The following PTPRN2 variants were observed in gnomAD, a reference collection of about 807,000 sequenced individuals.
PTPRN2 encodes the protein receptor-type tyrosine-protein phosphatase N2.
In PTPRN2, 74 loss-of-function variants were observed where a neutral mutation model predicts 118.8. That is an observed-to-expected ratio of 0.62 (90% CI 0.52 to 0.76). The LOEUF (loss-of-function observed/expected upper bound fraction) is 0.76. Ranked by LOEUF, PTPRN2 falls within the 30% of genes least tolerant of loss-of-function variation. The pLI, the probability that PTPRN2 is intolerant of heterozygous loss-of-function variation, is 0.00. For synonymous variants in PTPRN2, 641 were observed against 608.0 expected, an observed-to-expected ratio of 1.05 and a Z score of -0.80; for missense variants, 1,481 against 1,394.4, an observed-to-expected ratio of 1.06 and a Z score of -0.99.
In PTPRN2 at chr7:158,555,473, G is replaced by A. The variant is rs1401781980; in HGVS notation, c.112+32085C>T. Among the ~76,000 whole-genome samples the A allele has an allele frequency of 6.6e-6, 1 of 152,194 alleles. No individual in the cohort carries two copies. The highest frequency in any genetic ancestry group is 1.5e-5 in the Non-Finnish European group (1 of 68,036). ...CACTGACGTCACCGGGGTGGGGCAG[G>A]AGCAGGAAGAGGCCCATGCTGCCAT... On this transcript the variant is annotated intron_variant, in intron 1 of 22. Coordinates refer to ENST00000389418, the MANE Select transcript of PTPRN2 (RefSeq NM_002847.5). The surrounding 1 kb of genome is among the most constrained non-coding windows in gnomAD (Gnocchi z 4.7).
At chr7:158,094,514 G>A (rs1049261133) in intron 10 of PTPRN2, among the ~76,000 whole-genome samples, 4 of 151,900 alleles carry the variant, frequency 2.6e-5, no homozygotes, top group South Asian at 2.1e-4. Context: ...TCACTATGTT[G>A]GCCAGGCTGG....
In PTPRN2 at chr7:157,574,213, G is replaced by A. The variant is rs1799900230; in HGVS notation, c.2783+2400C>T. On this transcript the variant is annotated intron_variant, in intron 19 of 22. Transcript: ENST00000389418. ...AATTCACTGAGAAAGAACGATTAGTGATACAAACCAACCCAGGGGTCACCG... is the reference window on the plus strand; with the variant it reads ...AATTCACTGAGAAAGAACGATTAGTAATACAAACCAACCCAGGGGTCACCG... 1.3e-5 allele frequency: 4 copies of A among 308,476 alleles called. 1 individual carries two copies. The highest frequency in any genetic ancestry group is 2.9e-5 in the Non-Finnish European group (4 of 138,754). 19.1% of individuals were successfully genotyped at this position (308,476 alleles called of 1,614,324 possible).
At chr7:158,454,840 A>G (rs986897114) in intron 2 of PTPRN2, among the ~76,000 whole-genome samples, 2 of 152,222 alleles carry the variant, frequency 1.3e-5, no homozygotes, top group African/African-American at 4.8e-5. Context: ...CATCCCCCCA[A>G]GCAGACTACA....
At chr7:158,538,138 C>G (rs186400396) in intron 1 of PTPRN2, among the ~76,000 whole-genome samples, 296 of 152,354 alleles carry the variant, frequency 1.9e-3, no homozygotes, top group African/African-American at 6.7e-3. Flanking sequence ...CGGAAAAGAG[C>G]ACAGCTCGTG....
At chr7:158,379,707 G>T (rs1171217524) in intron 2 of PTPRN2, among the ~76,000 whole-genome samples, 1 of 152,198 alleles carries the variant, frequency 6.6e-6, no homozygotes, top group Non-Finnish European at 1.5e-5. Context: ...GAAGGCCAAA[G>T]TCAGTAGACC....
At chr7:157,806,837 G>A (rs577749121) in intron 12 of PTPRN2, among the ~76,000 whole-genome samples, 1 of 152,328 alleles carries the variant, frequency 6.6e-6, no homozygotes, top group South Asian at 2.1e-4. Context: ...TGAGTACTTG[G>A]AGGGCCACTG....
intron 12 of PTPRN2, among the ~76,000 whole-genome samples, chr7:157,841,825 CAGG>C (rs780992278): frequency 6.6e-6 from 1 of 152,154 alleles, no homozygotes; most frequent in African/African-American, 2.4e-5. Context: ...CTCTGGTTAT[CAGG>C]AGAACACCCT....
intron 3 of PTPRN2, among the ~76,000 whole-genome samples, chr7:158,291,869 GGAGA>G (rs1800144106): frequency 6.6e-6 from 1 of 152,178 alleles, no homozygotes; most frequent in African/African-American, 2.4e-5. Context: ...GATGAAAGAG[GGAGA>G]GAAAGAAGAG....
chr7:157,570,094 A>G (rs546653086), intron 20 of PTPRN2, among the ~76,000 whole-genome samples: 35 of 152,372 alleles, frequency 2.3e-4, no homozygotes, highest in African/African-American at 8.2e-4. Context: ...TAAATGTTTA[A>G]AAAACGGCAC....
At chr7:158,510,959 C>T (rs1431671707) in intron 1 of PTPRN2, among the ~76,000 whole-genome samples, 1 of 152,238 alleles carries the variant, frequency 6.6e-6, no homozygotes, top group East Asian at 1.9e-4. Context: ...ACAGGGGATT[C>T]CTGCCACCCA....
At chr7:158,125,214 T>A (rs1585518849) in intron 9 of PTPRN2, among the ~76,000 whole-genome samples, 1 of 137,494 alleles carries the variant, frequency 7.3e-6, no homozygotes, top group East Asian at 2.3e-4. Flanking sequence ...CTGCCTGAAG[T>A]CCCTCCCAGG....
Position 158,167,152 on chromosome 7 carries a change from C to T in PTPRN2, c.689G>A (p.Ser230Asn), listed in dbSNP as rs371800996. ...GTCCACACCACTGTCCACCTTAGGG[C>T]TGAGCTCATCTGGCTGGAGCTGGCC... ...TLGQLQPDELSPKVDSGVDRH... is the reference protein window; with the variant it reads ...TLGQLQPDELNPKVDSGVDRH... Residue 230 changes from serine (S) to asparagine (N), a missense_variant, in exon 6 of 23, where the codon AGC becomes AAC. By Grantham distance (46) the Ser-to-Asn change is conservative (BLOSUM62 1). Around this residue, in one of 3 missense-constraint regions of PTPRN2, gnomAD observed 1,115 missense variants for 994.2 expected, o/e 1.12. Coordinates refer to ENST00000389418, the MANE Select transcript of PTPRN2 (RefSeq NM_002847.5). The T allele has an allele frequency of 3.3e-5, 54 of 1,613,888 alleles. No individual in the cohort carries two copies. Among genetic ancestry groups the T allele is most frequent in the Non-Finnish European group, 4.2e-5 (50 of 1,180,016 alleles).
At chr7:158,246,154 A>C (rs1449413036) in intron 3 of PTPRN2, among the ~76,000 whole-genome samples, 1 of 151,418 alleles carries the variant, frequency 6.6e-6, no homozygotes, top group African/African-American at 2.4e-5. Flanking sequence ...TTGATTGATA[A>C]TTTGATTTAT....
rs1193633712 is a variant in PTPRN2 at position 158,015,848 on chromosome 7, G to A, written c.1723+65450C>T. ...TAGTAATTAAGACAAAAATAGACACGGAAGCCGCGATCGAGGAGGAGGGGG... is the reference window on the plus strand; with the variant it reads ...TAGTAATTAAGACAAAAATAGACACAGAAGCCGCGATCGAGGAGGAGGGGG... On this transcript the variant is annotated intron_variant, in intron 11 of 22. Transcript: ENST00000389418. This position sits in a 1 kb window ranked among gnomAD's most constrained non-coding sequence, Gnocchi z 4.2. 6.6e-6 allele frequency among the ~76,000 whole-genome samples: 1 copy of A among 152,132 alleles called. No homozygotes were observed. Among genetic ancestry groups the A allele is most frequent in the Non-Finnish European group, 1.5e-5 (1 of 68,042 alleles).
At chr7:157,952,807 C>T (rs1456150937) in intron 11 of PTPRN2, among the ~76,000 whole-genome samples, 7 of 152,136 alleles carry the variant, frequency 4.6e-5, no homozygotes, top group Admixed American at 2.6e-4. Context: ...ACCCAGACCA[C>T]CGAATGCTCT....
rs112794279 is a variant in PTPRN2 at position 158,149,441 on chromosome 7, T to TAAA, written c.911-10929_911-10927dup. Among the ~76,000 whole-genome samples, 1,413 of 143,262 alleles carry TAAA rather than the reference T, an allele frequency of 9.9e-3. 22 individuals carry two copies. Among genetic ancestry groups the TAAA allele is most frequent in the African/African-American group, 0.033 (1,275 of 39,128 alleles). 94.0% of individuals were successfully genotyped at this position (143,262 alleles called of 152,430 possible). A position where few individuals can be genotyped will look rare whatever the true frequency, so the allele number is the denominator to read the frequency against. ...TAAGATGTTACCTTTTCTCAAGAGG[T>TAAA]AAAAAAAAAAAAAAATCCTTATTTT... is the stretch of plus-strand genomic sequence containing the variant. On this transcript the variant is annotated intron_variant, in intron 6 of 22. Transcript: ENST00000389418.
intron 13 of PTPRN2, chr7:157,669,499 C>T (rs1324750234): frequency 2.5e-5 from 12 of 475,722 alleles, no homozygotes; most frequent in South Asian, 1.7e-4. Context: ...CTCTGCAGGC[C>T]CCTCCCCGCT....
chr7:158,556,780 C>T (rs1425141968), intron 1 of PTPRN2, among the ~76,000 whole-genome samples: 2 of 144,754 alleles, frequency 1.4e-5, no homozygotes, highest in Admixed American at 6.9e-5. Flanking sequence ...CCACGCAGGT[C>T]GCTCCCACGC....
intron 2 of PTPRN2, among the ~76,000 whole-genome samples, chr7:158,484,913 G>A (rs529121134): frequency 2.0e-5 from 3 of 152,300 alleles, no homozygotes; most frequent in Admixed American, 6.5e-5. Context: ...TGGCTGTGAC[G>A]CCGCCACGGG....
Sources: gnomAD v4.1 joint callset for allele counts (sites outside exome capture counted in the v4.1 genomes callset) on GRCh38, gnomAD v4.1.1 for gene constraint, gnomAD v4.1.1 regional missense constraint, Gnocchi (gnomAD v3.1) non-coding constraint, MANE v1.5 for transcripts, NCBI Gene and HGNC (gene_info 2026-07-23, HGNC 2026-07-21) for gene names.